The following VIPR2 variants were observed in gnomAD, a reference collection of about 807,000 sequenced individuals.
VIPR2 encodes the protein vasoactive intestinal polypeptide receptor 2.
In VIPR2, 48 loss-of-function variants were observed where a neutral mutation model predicts 58.0. The observed-to-expected ratio is 0.83, with a 90% CI of 0.66 to 1.05. The LOEUF (loss-of-function observed/expected upper bound fraction) is 1.05, where lower values mean the gene tolerates loss of function less well. Ranked by LOEUF, VIPR2 falls within the 50% of genes least tolerant of loss-of-function variation. The pLI is 0.00. For synonymous variants in VIPR2, 243 were observed against 235.2 expected (o/e 1.03, Z -0.30); for missense variants, 534 against 558.0 (o/e 0.96, Z 0.43).
intron 2 of VIPR2, among the ~76,000 whole-genome samples, chr7:159,133,031 C>CATACAGATTGATTTTAGA (rs1488940713): frequency 5.8e-5 from 6 of 104,222 alleles, no homozygotes; most frequent in African/African-American, 1.5e-4. Flanking sequence ...CAGAATGATT[C>CATACAGATTGATTTTAGA]CAAAAATGCA....
At chr7:159,034,678 T>C in intron 8 of VIPR2, 28 bp from the exon 9 acceptor site, 1 of 1,604,662 alleles carries the variant, frequency 6.2e-7, no homozygotes, top group Non-Finnish European at 8.5e-7. Context: ...GAAATCAGGT[T>C]ACCACCAACC....
chr7:159,086,802 G>A (rs189107495), intron 4 of VIPR2, among the ~76,000 whole-genome samples: 32 of 152,362 alleles, frequency 2.1e-4, no homozygotes, highest in Admixed American at 1.1e-3. Flanking sequence ...TGACTCCTCA[G>A]TGAGTAGCTG....
At chr7:159,036,945 G>C (rs374945318) in intron 6 of VIPR2, 43 bp from the exon 7 acceptor site, 1 of 1,583,416 alleles carries the variant, frequency 6.3e-7, no homozygotes, top group South Asian at 1.2e-5. Context: ...GACCTCATCC[G>C]GTAACAGCAG....
intron 2 of VIPR2, among the ~76,000 whole-genome samples, chr7:159,132,914 A>ATTGATTTCAGACAGAATGATTGGCATACC (rs1797016696): frequency 4.6e-5 from 2 of 43,430 alleles, no homozygotes; most frequent in African/African-American, 9.0e-5. Context: ...ATTGGCATAC[A>ATTGATTTCAGACAGAATGATTGGCATACC]GATTGATTTC....
intron 5 of VIPR2, among the ~76,000 whole-genome samples, chr7:159,055,551 G>C (rs1434077797): frequency 1.3e-5 from 2 of 152,110 alleles, no homozygotes; most frequent in Non-Finnish European, 2.9e-5. Context: ...TCACACACCA[G>C]TGCCGCTCCC....
At chr7:159,035,692 GTC>G (rs1853898505) in intron 8 of VIPR2, 1 of 985,384 alleles carries the variant, frequency 1.0e-6, no homozygotes, top group South Asian at 4.7e-5. Context: ...GGCTGCCCCA[GTC>G]TCTGCCTGGC....
Position 159,073,048 on chromosome 7 carries a change from C to A in VIPR2, c.358-14470G>T, listed in dbSNP as rs564197204. On this transcript the variant is annotated intron_variant, in intron 4 of 12. Coordinates refer to ENST00000262178, the MANE Select transcript of VIPR2 (RefSeq NM_003382.5). ...ACCCAGGAGTTTTCACAGGTGAGTTCTTTTCATCTTCTAAGGTACACATTA... is the reference window on the plus strand; with the variant it reads ...ACCCAGGAGTTTTCACAGGTGAGTTATTTTCATCTTCTAAGGTACACATTA... 2.0e-5 allele frequency among the ~76,000 whole-genome samples: 3 copies of A among 152,274 alleles called. No individual in the cohort carries two copies. In the East Asian group the frequency reaches 5.8e-4, roughly 29 times the overall value.
rs1327603878 is a variant in VIPR2 at position 159,118,084 on chromosome 7, T to G, written c.152-8165A>C. 2.6e-5 allele frequency among the ~76,000 whole-genome samples: 4 copies of G among 152,258 alleles called. No individual in the cohort carries two copies. In the East Asian group the frequency reaches 7.7e-4, roughly 29 times the overall value. ...CTCAGAGAGGCCGGGGGCGTCCCAG[T>G]CATCGAATACTCCCCTTGCACAGCA... On this transcript the variant is annotated intron_variant, in intron 2 of 12. Coordinates refer to ENST00000262178, the MANE Select transcript of VIPR2 (RefSeq NM_003382.5).
chr7:159,037,913 T>C (rs755852974), intron 6 of VIPR2, among the ~76,000 whole-genome samples: 7 of 152,236 alleles, frequency 4.6e-5, no homozygotes, highest in Non-Finnish European at 8.8e-5. Flanking sequence ...ATGGCAGATA[T>C]ATATCTGATA....
At position 159,096,592 on chromosome 7, in the gene VIPR2, T is replaced by C. The variant is rs1327814037; in HGVS notation, c.357+7165A>G. Among the ~76,000 whole-genome samples the C allele has an allele frequency of 6.6e-6, 1 of 152,240 alleles. No individual in the cohort carries two copies. Among genetic ancestry groups the C allele is most frequent in the Non-Finnish European group, 1.5e-5 (1 of 68,046 alleles). ...ACCAGCGTATCTGTGCATTTCCTTC[T>C]TAACCTCCTTCCCTGGTCCCGTATC... On this transcript the variant is annotated intron_variant, in intron 4 of 12. Coordinates refer to ENST00000262178, the MANE Select transcript of VIPR2 (RefSeq NM_003382.5). This position sits in a 1 kb window ranked among gnomAD's most constrained non-coding sequence, Gnocchi z 5.5.
At position 159,043,166 on chromosome 7, in the gene VIPR2, A is replaced by G. The variant is rs1232012729; in HGVS notation, c.466T>C (p.Cys156Arg). 6.4e-7 allele frequency: 1 copy of G among 1,561,304 alleles called. No individual in the cohort carries two copies. The highest frequency in any genetic ancestry group is 1.1e-5 in the South Asian group (1 of 90,244). The change falls in exon 6 of 13, where the codon TGC becomes CGC. Residue 156 changes from cysteine to arginine, a missense_variant. By Grantham distance (180) the Cys-to-Arg change is radical. This residue lies in a region of VIPR2 where 224 missense variants were observed against 255.7 expected (regional missense o/e 0.88). Transcript: ENST00000262178. The part of the protein sequence containing the change: ...IILCLFRKLH[C>R]TRNYIHLNLF... Reference sequence around the variant, plus strand: ...TTCAGGTGGATGTAATTCCTGGTGCAGTGCAGCTTCCTGAGGTGGGGGAGT... The same window carrying G: ...TTCAGGTGGATGTAATTCCTGGTGCGGTGCAGCTTCCTGAGGTGGGGGAGT...
chr7:159,047,511 A>G (rs2129493616), intron 5 of VIPR2, among the ~76,000 whole-genome samples: 1 of 148,336 alleles, frequency 6.7e-6, no homozygotes, highest in East Asian at 2.0e-4. Flanking sequence ...AGTTTCTATT[A>G]TGACAGACAC....
intron 1 of VIPR2, among the ~76,000 whole-genome samples, chr7:159,142,861 C>CGG (rs1797529986): frequency 6.6e-6 from 1 of 152,186 alleles, no homozygotes; most frequent in Non-Finnish European, 1.5e-5. Context: ...TCTCCATACC[C>CGG]GGCTCCTCCG....
chr7:159,106,648 G>A (rs192845935), intron 3 of VIPR2, among the ~76,000 whole-genome samples: 1 of 142,330 alleles, frequency 7.0e-6, no homozygotes, highest in African/African-American at 2.7e-5. Flanking sequence ...GGGAGGGGCA[G>A]AGAGAGGCCA....
chr7:159,069,100 C>A (rs115458528), intron 4 of VIPR2, among the ~76,000 whole-genome samples: 2,097 of 152,258 alleles, frequency 0.014, 37 homozygotes, highest in African/African-American at 0.046. Context: ...GCAGGTACTC[C>A]TCACAGGGCT....
chr7:159,084,393 G>A (rs1205932110), intron 4 of VIPR2, among the ~76,000 whole-genome samples: 1 of 152,212 alleles, frequency 6.6e-6, no homozygotes, highest in Non-Finnish European at 1.5e-5. Flanking sequence ...GGTGAGACAG[G>A]AACAGCGTGA....
At chr7:159,085,231 C>A (rs1857109597) in intron 4 of VIPR2, among the ~76,000 whole-genome samples, 1 of 152,214 alleles carries the variant, frequency 6.6e-6, no homozygotes, top group African/African-American at 2.4e-5. Flanking sequence ...ATGGCAACAA[C>A]CCTGTGAAGA....
chr7:159,133,338 T>C (rs150733528), intron 2 of VIPR2, among the ~76,000 whole-genome samples: 2,175 of 149,286 alleles, frequency 0.015, no homozygotes, highest in African/African-American at 0.053. Context: ...CAGGCAACTA[T>C]GCCCACAGCT....
rs560578561 is a variant in VIPR2 at position 159,098,068 on chromosome 7, G to A, written c.357+5689C>T. Among the ~76,000 whole-genome samples the A allele has an allele frequency of 7.9e-4, 120 of 152,176 alleles. No homozygotes were observed. Among genetic ancestry groups the A allele is most frequent in the Non-Finnish European group, 1.2e-3 (83 of 68,032 alleles). On this transcript the variant is annotated intron_variant, in intron 4 of 12. Coordinates refer to ENST00000262178, the MANE Select transcript of VIPR2 (RefSeq NM_003382.5). This position sits in a 1 kb window ranked among gnomAD's most constrained non-coding sequence, Gnocchi z 5.2. ...AAGCCTGAGCCCTGCCGGGGCAAGC[G>A]GAATCCCCAGCCTCACACCAGCCCG...
Sources: gnomAD v4.1 joint callset for allele counts (sites outside exome capture counted in the v4.1 genomes callset) on GRCh38, gnomAD v4.1.1 for gene constraint, gnomAD v4.1.1 regional missense constraint, Gnocchi (gnomAD v3.1) non-coding constraint, MANE v1.5 for transcripts, NCBI Gene and HGNC (gene_info 2026-07-23, HGNC 2026-07-21) for gene names.